The following CSMD1 variants were observed in gnomAD, a reference collection of about 807,000 sequenced individuals.
CSMD1 encodes CUB and sushi domain-containing protein 1.
Under a neutral mutation model 417.5 loss-of-function variants are expected in CSMD1, and 213 were observed. The observed-to-expected ratio is 0.51, with a 90% CI of 0.46 to 0.57. The LOEUF (loss-of-function observed/expected upper bound fraction) is 0.57, where lower values mean the gene tolerates loss of function less well. CSMD1 is among the 20% of genes least tolerant of loss of function. CSMD1 has a pLI of 0.00. For missense variants in CSMD1, 6,923 were observed against 4,529.7 expected, an observed-to-expected ratio of 1.53 and a Z score of -15.17; for synonymous variants, 2,862 against 1,736.8, an observed-to-expected ratio of 1.65 and a Z score of -16.11.
intron 2 of CSMD1, among the ~76,000 whole-genome samples, chr8:4,515,332 G>A (rs938426650): frequency 6.6e-6 from 1 of 152,146 alleles, no homozygotes; most frequent in Non-Finnish European, 1.5e-5. Context: ...ATAAACAATA[G>A]TTATGGCCTC....
rs868801220 is a variant in CSMD1, at chr8:3,361,669, A to C, written c.3116-2329T>G. 5.7e-4 allele frequency among the ~76,000 whole-genome samples: 85 copies of C among 150,012 alleles called. 1 individual carries two copies. The highest frequency in any genetic ancestry group is 2.0e-3 in the Admixed American group (30 of 15,024). ...TCCATCTCAAAAAAAAAAAAAAAAAAAAACAAACAAAAACATTCTTGCCAA... is the reference window on the plus strand; with the variant it reads ...TCCATCTCAAAAAAAAAAAAAAAAACAAACAAACAAAAACATTCTTGCCAA... On this transcript the variant is annotated intron_variant, in intron 20 of 69. Coordinates refer to ENST00000635120, the MANE Select transcript of CSMD1 (RefSeq NM_033225.6).
At chr8:3,683,433 C>T (rs7844733) in intron 7 of CSMD1, among the ~76,000 whole-genome samples, 21,611 of 151,874 alleles carry the variant, frequency 0.14, 1,733 homozygotes, top group South Asian at 0.21. Context: ...AAACTATCTG[C>T]CTAAAGGGAA....
chr8:4,795,775 C>T (rs563390406), intron 1 of CSMD1, among the ~76,000 whole-genome samples: 18 of 152,192 alleles, frequency 1.2e-4, no homozygotes, highest in African/African-American at 4.1e-4. Flanking sequence ...TGCACGCCTT[C>T]AGGTACTCTG....
chr8:3,551,736 C>T, intron 10 of CSMD1, among the ~76,000 whole-genome samples: 1 of 151,952 alleles, frequency 6.6e-6, no homozygotes, highest in East Asian at 1.9e-4. Flanking sequence ...TGTCATATCA[C>T]TTGTATACTA....
intron 18 of CSMD1, among the ~76,000 whole-genome samples, chr8:3,386,842 T>C (rs1384764521): frequency 6.6e-6 from 1 of 152,224 alleles, no homozygotes; most frequent in Non-Finnish European, 1.5e-5. Flanking sequence ...CCAAGTTTTT[T>C]TGGCAAATGA....
chr8:4,242,262 C>A (rs1504773), intron 3 of CSMD1, among the ~76,000 whole-genome samples: 147,823 of 152,298 alleles, frequency 0.97, 71,893 homozygotes, highest in East Asian at 1. Flanking sequence ...ACATCATCTT[C>A]TGTGAATGCT....
At chr8:3,977,485 A>G (rs142033269) in intron 5 of CSMD1, among the ~76,000 whole-genome samples, 10 of 152,282 alleles carry the variant, frequency 6.6e-5, no homozygotes, top group African/African-American at 2.2e-4. Flanking sequence ...GAAAAAAAAA[A>G]TTAAGGAAAA....
intron 1 of CSMD1, among the ~76,000 whole-genome samples, chr8:4,733,288 A>T (rs1008582113): frequency 6.6e-6 from 1 of 152,236 alleles, no homozygotes; most frequent in African/African-American, 2.4e-5. Context: ...GGAAAAATAA[A>T]TGACTAAAAA....
chr8:3,144,755 GAAA>G (rs1395551315), intron 40 of CSMD1, among the ~76,000 whole-genome samples: 1 of 131,918 alleles, frequency 7.6e-6, no homozygotes, highest in African/African-American at 2.8e-5. Flanking sequence ...TCAGAAGTGA[GAAA>G]AAAAGAAAGA....
rs541189974 is a variant in CSMD1, at chr8:3,947,766, G to A, written c.818+50137C>T. ...TTATCTTAGTGAATGTTCCATGTGC[G>A]GTTGAAAGGACTGTGTCTTCCGCTG... On this transcript the variant is annotated intron_variant, in intron 5 of 69. Coordinates refer to ENST00000635120, the MANE Select transcript of CSMD1 (RefSeq NM_033225.6). Among the ~76,000 whole-genome samples, 5 of 152,126 alleles carry A rather than the reference G, an allele frequency of 3.3e-5. No individual in the cohort carries two copies. The South Asian group carries it at 6.2e-4, about 19-fold the overall frequency.
chr8:4,070,904 C>T (rs1451324361), intron 3 of CSMD1, among the ~76,000 whole-genome samples: 2 of 152,154 alleles, frequency 1.3e-5, no homozygotes, highest in East Asian at 1.9e-4. Context: ...TTGCTTTTAG[C>T]ACTTTAATGA....
Position 3,162,236 on chromosome 8 carries a change from T to A in CSMD1, c.5767A>T (p.Asn1923Tyr), listed in dbSNP as rs949760650. The change falls in exon 38 of 70, where the codon AAC (asparagine) becomes TAC (tyrosine). Residue 1923 changes from asparagine (N) to tyrosine (Y), a missense_variant. Asn to Tyr is a moderately radical substitution (Grantham distance 143, BLOSUM62 -2). Coordinates refer to ENST00000635120, the MANE Select transcript of CSMD1 (RefSeq NM_033225.6). ...TACCGATCTCCGATTTTGATGCTGT[T>A]GCTGGGGAGGGCTGGTTCTTGGCAT... is the stretch of plus-strand genomic sequence containing the variant. ...AACQEPALPS[N>Y]SIKIGDRYMV... 6.2e-7 allele frequency: 1 copy of A among 1,611,472 alleles called. No individual in the cohort carries two copies. The highest frequency in any genetic ancestry group is 1.3e-5 in the African/African-American group (1 of 75,036).
intron 10 of CSMD1, among the ~76,000 whole-genome samples, chr8:3,548,847 A>C (rs1257101340): frequency 6.6e-6 from 1 of 152,098 alleles, no homozygotes; most frequent in East Asian, 1.9e-4. Flanking sequence ...GAGGGCAGGC[A>C]GGGTGCTCCC....
chr8:3,732,355 T>C (rs911350198), intron 6 of CSMD1, among the ~76,000 whole-genome samples: 1 of 152,168 alleles, frequency 6.6e-6, no homozygotes, highest in Non-Finnish European at 1.5e-5. Flanking sequence ...CTCACCATAG[T>C]AAACCAATGA....
At chr8:4,252,436 G>A (rs1047603636) in intron 3 of CSMD1, among the ~76,000 whole-genome samples, 4 of 152,178 alleles carry the variant, frequency 2.6e-5, no homozygotes, top group Admixed American at 1.3e-4. Context: ...AAATAAACTC[G>A]AGGGGACCTG....
chr8:4,056,025 T>C (rs868296043), intron 3 of CSMD1, among the ~76,000 whole-genome samples: 1 of 151,212 alleles, frequency 6.6e-6, no homozygotes. Flanking sequence ...ACAGATTTCC[T>C]CCTGGGAAAA....
chr8:4,283,035 T>C (rs1359348510), intron 3 of CSMD1, among the ~76,000 whole-genome samples: 1 of 151,958 alleles, frequency 6.6e-6, no homozygotes, highest in Non-Finnish European at 1.5e-5. Context: ...TATTTTCATT[T>C]AAAAAAAATG....
At chr8:3,278,115 C>T (rs1297271740) in intron 26 of CSMD1, among the ~76,000 whole-genome samples, 1 of 151,894 alleles carries the variant, frequency 6.6e-6, no homozygotes, top group Admixed American at 6.6e-5. Context: ...GCCAAAGAGC[C>T]AATGATAGAG....
At chr8:3,695,796 T>C (rs111981323) in intron 7 of CSMD1, among the ~76,000 whole-genome samples, 4,434 of 152,298 alleles carry the variant, frequency 0.029, 126 homozygotes, top group African/African-American at 0.073. Context: ...AGATTATAAA[T>C]CAACCAGCAA....
Sources: gnomAD v4.1 joint callset for allele counts (sites outside exome capture counted in the v4.1 genomes callset) on GRCh38, gnomAD v4.1.1 for gene constraint, MANE v1.5 for transcripts, NCBI Gene and HGNC (gene_info 2026-07-23, HGNC 2026-07-21) for gene names.